The following DKK3 variants were observed in gnomAD, a reference collection of about 807,000 sequenced individuals.
DKK3 encodes dickkopf-related protein 3.
DKK3 carries 22 observed loss-of-function variants against 33.2 expected under a neutral mutation model. That is an observed-to-expected ratio of 0.66 (90% confidence interval 0.47 to 0.95). The LOEUF is 0.95. Among genes scored for constraint, DKK3 ranks in the 40% least tolerant of loss-of-function variants. The pLI, the probability that DKK3 is intolerant of heterozygous loss-of-function variation, is 0.00. For synonymous variants in DKK3, 194 were observed against 188.8 expected, an observed-to-expected ratio of 1.03 and a Z score of -0.23; for missense variants, 398 against 458.4, an observed-to-expected ratio of 0.87 and a Z score of 1.20.
At chr11:12,007,397 G>A (rs957620978) in intron 1 of DKK3, among the ~76,000 whole-genome samples, 4 of 152,122 alleles carry the variant, frequency 2.6e-5, no homozygotes, top group African/African-American at 7.2e-5. Flanking sequence ...GCCCAACAGC[G>A]CCCTCGTCTA....
In DKK3 at chr11:12,008,415, T is replaced by A; in HGVS notation, c.168A>T (p.Glu56Asp). The A allele has an allele frequency of 6.2e-7, 1 of 1,610,768 alleles. No homozygotes were observed. Among genetic ancestry groups the A allele is most frequent in the Non-Finnish European group, 8.5e-7 (1 of 1,179,246 alleles). ...ATTTGTGCTGCGTGTCCTCCATCAG[T>A]TCCTCAACCTCGCGGAACATCTCAT... Reference protein sequence around the residue: ...TLNEMFREVEELMEDTQHKLR... With the variant: ...TLNEMFREVEDLMEDTQHKLR... The change falls in exon 1 of 7, where the codon GAA becomes GAT. Residue 56 changes from glutamate to aspartate, a missense_variant. By Grantham distance (45) the Glu-to-Asp change is conservative (BLOSUM62 2). Coordinates refer to ENST00000683431, the MANE Select transcript of DKK3 (RefSeq NM_001018057.2). The surrounding 1 kb of genome is among the most constrained non-coding windows in gnomAD (Gnocchi z 4.6).
chr11:12,003,595 C>T (rs1395650695), intron 1 of DKK3, among the ~76,000 whole-genome samples: 1 of 152,096 alleles, frequency 6.6e-6, no homozygotes, highest in African/African-American at 2.4e-5. Context: ...GCTGATGGGA[C>T]CCAAAGGGAG....
intron 3 of DKK3, among the ~76,000 whole-genome samples, chr11:11,969,374 C>G (rs1261244160): frequency 6.6e-6 from 1 of 152,164 alleles, no homozygotes; most frequent in Non-Finnish European, 1.5e-5. Context: ...AGGTATCAGG[C>G]TTGACGGCCC....
At chr11:11,967,611 C>A (rs1782062726) in intron 4 of DKK3, among the ~76,000 whole-genome samples, 1 of 152,214 alleles carries the variant, frequency 6.6e-6, no homozygotes, top group African/African-American at 2.4e-5. Context: ...CTGCGAGGTG[C>A]AACAGCAGTG....
At position 11,964,012 on chromosome 11, in the gene DKK3, T is replaced by C. The variant is rs2134976387; in HGVS notation, c.*452A>G. On this transcript the variant is annotated 3_prime_UTR_variant, in exon 7 of 7. Coordinates refer to ENST00000683431, the MANE Select transcript of DKK3 (RefSeq NM_001018057.2). ...TGAAGGCACAGCTTACCTATGCCCA[T>C]GGAAAGAACTGCGTGGAAAATTCAT... The C allele has an allele frequency of 5.6e-6, 1 of 177,786 alleles. No individual in the cohort carries two copies. The highest frequency in any genetic ancestry group is 1.4e-4 in the South Asian group (1 of 6,966). The allele number at this position is 177,786 out of a possible 1,614,324, so 11.0% of individuals were successfully genotyped here. A position where few individuals can be genotyped will look rare whatever the true frequency, so the allele number is the denominator to read the frequency against.
intron 3 of DKK3, among the ~76,000 whole-genome samples, chr11:11,974,951 A>G (rs553681890): frequency 6.6e-6 from 1 of 152,252 alleles, no homozygotes; most frequent in African/African-American, 2.4e-5. Context: ...TAGATGAACC[A>G]CTGGTCATAG....
chr11:12,008,954 G>A (rs1848602839), upstream of DKK3: 5 of 1,017,692 alleles, frequency 4.9e-6, no homozygotes, highest in South Asian at 1.9e-4. This position sits in a 1 kb window ranked among gnomAD's most constrained non-coding sequence, Gnocchi z 4.6. Flanking sequence ...CCTAGACTCT[G>A]TCCCCGGTTC....
intron 3 of DKK3, among the ~76,000 whole-genome samples, chr11:11,977,356 T>C: frequency 6.6e-6 from 1 of 151,934 alleles, no homozygotes; most frequent in East Asian, 1.9e-4. Flanking sequence ...TCTTTGTCGG[T>C]CCCTGGAAAA....
chr11:11,989,824 T>C (rs1848151658), intron 3 of DKK3, among the ~76,000 whole-genome samples: 1 of 152,234 alleles, frequency 6.6e-6, no homozygotes, highest in South Asian at 2.1e-4. Context: ...TTCTCTTTTT[T>C]AGTACTGGCT....
chr11:11,995,183 G>A (rs372849799), intron 3 of DKK3, among the ~76,000 whole-genome samples: 48 of 152,288 alleles, frequency 3.2e-4, no homozygotes, highest in East Asian at 1.7e-3. Context: ...GGGCTCAAGC[G>A]ATCCTCCTGC....
chr11:11,989,699 T>A lies in DKK3; in HGVS notation c.435+8997A>T, dbSNP rs117167295. Among the ~76,000 whole-genome samples the A allele has an allele frequency of 9.1e-3, 1,386 of 152,356 alleles. 5 individuals carry two copies. The highest frequency in any genetic ancestry group is 0.017 in the Middle Eastern group (5 of 294). ...CCCTGCTGAATTATATGTGTCAACA[T>A]TGTTAAGATGATATTTTATATTATA... On this transcript the variant is annotated intron_variant, in intron 3 of 6. Coordinates refer to ENST00000683431, the MANE Select transcript of DKK3 (RefSeq NM_001018057.2).
upstream of DKK3, chr11:12,009,310 G>C (rs996026408): frequency 1.0e-6 from 1 of 982,610 alleles, no homozygotes; most frequent in African/African-American, 1.8e-5. Context: ...GTGCGGCAGC[G>C]CCGGTACCCG....
rs567487427 is a variant in DKK3 at position 11,994,004 on chromosome 11, G to A, written c.435+4692C>T. 2.1e-3 allele frequency among the ~76,000 whole-genome samples: 327 copies of A among 152,266 alleles called. 1 individual carries two copies. Among genetic ancestry groups the A allele is most frequent in the Non-Finnish European group, 3.6e-3 (248 of 68,026 alleles). ...AGGACAGGCACGGTTAGGAACAACA[G>A]CGGGATGAGTCAGCCTTGTGGCCAG... On this transcript the variant is annotated intron_variant, in intron 3 of 6. Transcript: ENST00000683431.
At chr11:11,967,567 G>A (rs914409094) in intron 4 of DKK3, among the ~76,000 whole-genome samples, 7 of 152,224 alleles carry the variant, frequency 4.6e-5, no homozygotes, top group Admixed American at 1.3e-4. Flanking sequence ...AGGTCCCCAC[G>A]GCTGTGCCCA....
At chr11:12,009,130 T>A, upstream of DKK3, 3 of 982,140 alleles carry the variant, frequency 3.1e-6, no homozygotes, top group Non-Finnish European at 3.6e-6. Flanking sequence ...GAGGCTGAGC[T>A]CAGCAGAGTC....
Position 11,965,798 on chromosome 11 carries a change from G to A in DKK3, c.830+11C>T, listed in dbSNP as rs772071952. Reference sequence around the variant, plus strand: ...CTTGGCTCCCTGAGAGTGAGGGTTAGGGGGCCTCACCTGTGGGGCTGGCAG... The same window carrying A: ...CTTGGCTCCCTGAGAGTGAGGGTTAAGGGGCCTCACCTGTGGGGCTGGCAG... On this transcript the variant is annotated intron_variant, in intron 6 of 6. Coordinates refer to ENST00000683431, the MANE Select transcript of DKK3 (RefSeq NM_001018057.2). The A allele has an allele frequency of 6.2e-7, 1 of 1,613,216 alleles. No individual in the cohort carries two copies. Among genetic ancestry groups the A allele is most frequent in the Non-Finnish European group, 8.5e-7 (1 of 1,179,764 alleles).
chr11:12,001,293 G>C (rs939042882), intron 2 of DKK3, among the ~76,000 whole-genome samples: 1 of 152,188 alleles, frequency 6.6e-6, no homozygotes, highest in African/African-American at 2.4e-5. Flanking sequence ...ACACTCTGTA[G>C]CTGATCCATC....
chr11:12,009,399 GC>G (rs1848613221), upstream of DKK3: 1 of 898,908 alleles, frequency 1.1e-6, no homozygotes, highest in Admixed American at 1.4e-4. Context: ...CGCCCACCAG[GC>G]CCACCCCGCC....
chr11:11,977,630 C>A (rs1290565742), intron 3 of DKK3, among the ~76,000 whole-genome samples: 1 of 152,248 alleles, frequency 6.6e-6, no homozygotes, highest in Non-Finnish European at 1.5e-5. Flanking sequence ...ACAGCCCCGA[C>A]CACCTATCCA....
Sources: gnomAD v4.1 joint callset for allele counts (sites outside exome capture counted in the v4.1 genomes callset) on GRCh38, gnomAD v4.1.1 for gene constraint, Gnocchi (gnomAD v3.1) non-coding constraint, MANE v1.5 for transcripts, NCBI Gene and HGNC (gene_info 2026-07-23, HGNC 2026-07-21) for gene names.